Variants in PDCD4 observed in about 807,000 individuals in gnomAD.
PDCD4 encodes the protein programmed cell death 4.
PDCD4 carries 56 observed loss-of-function variants against 54.0 expected under a neutral mutation model. The ratio of observed to expected loss-of-function variants is 1.04; its 90% CI spans 0.84 to 1.30. PDCD4 has a LOEUF of 1.30. Among genes scored for constraint, PDCD4 ranks in the 50% most tolerant of loss-of-function variants. The pLI, the probability that PDCD4 is intolerant of heterozygous loss-of-function variation, is 0.00. For missense variants in PDCD4, 584 were observed against 559.8 expected, an observed-to-expected ratio of 1.04 and a Z score of -0.44; for synonymous variants, 186 against 194.8, an observed-to-expected ratio of 0.95 and a Z score of 0.37.
At chr10:110,890,706 T>C in intron 8 of PDCD4, 36 bp downstream of exon 8, 3 of 1,321,186 alleles carry the variant, frequency 2.3e-6, no homozygotes, top group Non-Finnish European at 3.2e-6. Context: ...TTAATTTATA[T>C]GTATTCCTCT....
At chr10:110,885,705 C>G (rs1235070214) in intron 5 of PDCD4, among the ~76,000 whole-genome samples, 3 of 151,456 alleles carry the variant, frequency 2.0e-5, no homozygotes, top group Non-Finnish European at 4.4e-5. Flanking sequence ...TAGACGCCCC[C>G]CGAAACCTCT....
At chr10:110,894,997 G>C (rs1174396982) in intron 10 of PDCD4, among the ~76,000 whole-genome samples, 2 of 151,922 alleles carry the variant, frequency 1.3e-5, no homozygotes, top group Non-Finnish European at 2.9e-5. Context: ...TCTGATGTCT[G>C]CTTACAGCTC....
chr10:110,882,913 G>T, intron 3 of PDCD4, 90 bp from the exon 4 acceptor site: 1 of 811,492 alleles, frequency 1.2e-6, no homozygotes, highest in Middle Eastern at 3.3e-4. Context: ...TTTTTTTTTA[G>T]CTGTTGTTTA....
At chr10:110,884,026 C>T (rs962563945) in intron 4 of PDCD4, among the ~76,000 whole-genome samples, 4 of 152,186 alleles carry the variant, frequency 2.6e-5, no homozygotes, top group African/African-American at 4.8e-5. Context: ...CGTGGTTTCA[C>T]TTTCCGCAGT....
chr10:110,888,181 T>C (rs541905468), intron 6 of PDCD4, among the ~76,000 whole-genome samples: 1 of 152,134 alleles, frequency 6.6e-6, no homozygotes, highest in Non-Finnish European at 1.5e-5. Context: ...TTATATGTAG[T>C]TGTTTTATTA....
At chr10:110,885,569 TTTG>T (rs1253008614) in intron 5 of PDCD4, among the ~76,000 whole-genome samples, 2 of 152,000 alleles carry the variant, frequency 1.3e-5, no homozygotes, top group East Asian at 3.8e-4. Context: ...TGTGTGCCAT[TTTG>T]TTCTCTGAAA....
chr10:110,887,461 A>G (rs1845685308), intron 5 of PDCD4, among the ~76,000 whole-genome samples: 1 of 152,210 alleles, frequency 6.6e-6, no homozygotes, highest in South Asian at 2.1e-4. Context: ...TTAAAGCTTG[A>G]CAAAGTGGAT....
chr10:110,898,158 GTTTTT>G lies in PDCD4; in HGVS notation c.*86_*90del, dbSNP rs5787876. 52 of 385,424 alleles carry G rather than the reference GTTTTT, an allele frequency of 1.3e-4. No homozygotes were observed. The highest frequency in any genetic ancestry group is 4.6e-4 in the Admixed American group (9 of 19,508). 23.9% of individuals were successfully genotyped at this position (385,424 alleles called of 1,614,324 possible). ...TGAATTGTAAGAGTTGTTAGCACAA[GTTTTT>G]TTTTTTTTTTTTTTTAAGCACTTGT... On this transcript the variant is annotated 3_prime_UTR_variant, in exon 12 of 12. Transcript: ENST00000280154.
rs958134628 is a variant in PDCD4, at chr10:110,899,694, G to C, written c.*1606G>C. On this transcript the variant is annotated 3_prime_UTR_variant, in exon 12 of 12. Coordinates refer to ENST00000280154, the MANE Select transcript of PDCD4 (RefSeq NM_014456.5). ...TGCGTGTAATCCCAGCTACTTGGGA[G>C]GCTGAGGCAGGAGAATTGCTTGAAC... 1.3e-5 allele frequency: 2 copies of C among 152,298 alleles called. No individual in the cohort carries two copies. The highest frequency in any genetic ancestry group is 4.8e-5 in the African/African-American group (2 of 41,520). 9.4% of individuals were successfully genotyped at this position (152,298 alleles called of 1,614,324 possible).
In PDCD4 at chr10:110,885,330, G is replaced by A. The variant is rs34104444; in HGVS notation, c.519G>A (p.Gln173=). 0.044 allele frequency: 70,013 copies of A among 1,588,624 alleles called. 1,863 individuals are homozygous for A. The highest frequency in any genetic ancestry group is 0.11 in the African/African-American group (7,940 of 73,898). The change falls in exon 5 of 12, where the codon CAG becomes CAA. Residue 173 remains glutamine, a synonymous_variant. Coordinates refer to ENST00000280154, the MANE Select transcript of PDCD4 (RefSeq NM_014456.5). ...AGAAGACTTTAACACCAATCATACA[G>A]GAATATTTTGAGCATGGAGATACTA... ...AFEKTLTPII[Q]EYFEHGDTNE... is the part of the protein sequence containing the mutation.
chr10:110,895,873 C>A, intron 10 of PDCD4, 75 bp from the exon 11 acceptor site: 1 of 1,098,418 alleles, frequency 9.1e-7, no homozygotes, highest in Non-Finnish European at 1.3e-6. Flanking sequence ...AAATTGATGA[C>A]ATAGTGATGG....
At chr10:110,886,472 A>G (rs755105237) in intron 5 of PDCD4, among the ~76,000 whole-genome samples, 3 of 152,176 alleles carry the variant, frequency 2.0e-5, no homozygotes, top group Non-Finnish European at 4.4e-5. Context: ...AAATGCAGTC[A>G]GTGAGAAGAG....
chr10:110,896,081 C>T lies in PDCD4; in HGVS notation c.1343C>T (p.Pro448Leu), dbSNP rs1352027977. The T allele has an allele frequency of 1.3e-6, 2 of 1,594,122 alleles. No individual in the cohort carries two copies. The highest frequency in any genetic ancestry group is 2.3e-5 in the East Asian group (1 of 44,414). Residue 448 changes from proline to leucine, a missense_variant, in exon 11 of 12, where the codon CCT (proline) becomes CTT (leucine). Coordinates refer to ENST00000280154, the MANE Select transcript of PDCD4 (RefSeq NM_014456.5). ...TCCAAACAACTCAGAGATCTTTGTC[C>T]TTCAAGGTACTTTATTTAAATACTA... ...IISKQLRDLC[P>L]SRGRKRFVSE... is the part of the protein sequence containing the mutation.
chr10:110,874,059 G>A (rs1845465120), intron 1 of PDCD4, among the ~76,000 whole-genome samples: 1 of 152,202 alleles, frequency 6.6e-6, no homozygotes, highest in Admixed American at 6.5e-5. Flanking sequence ...TTGAACTTGT[G>A]CAAACAGTAC....
At chr10:110,897,990 T>C (rs1393844646) in intron 11 of PDCD4, 38 bp from the exon 12 acceptor site, 5 of 1,462,698 alleles carry the variant, frequency 3.4e-6, no homozygotes, top group Non-Finnish European at 3.7e-6. Flanking sequence ...AGTCAGAATT[T>C]GTATCTGTTT....
At chr10:110,893,538 T>G (rs1219530933) in intron 8 of PDCD4, among the ~76,000 whole-genome samples, 1 of 152,000 alleles carries the variant, frequency 6.6e-6, no homozygotes, top group African/African-American at 2.4e-5. Context: ...ACTTGTCTCT[T>G]TAGCTACAGC....
chr10:110,875,144 T>G (rs1845482146), intron 1 of PDCD4, among the ~76,000 whole-genome samples: 2 of 152,134 alleles, frequency 1.3e-5, no homozygotes, highest in South Asian at 4.1e-4. Flanking sequence ...ATTTTGATAT[T>G]TCTTTCATAT....
Position 110,889,566 on chromosome 10 carries a change from G to A in PDCD4, c.811G>A (p.Asp271Asn), listed in dbSNP as rs755307065. The A allele has an allele frequency of 2.5e-6, 4 of 1,607,592 alleles. No homozygotes were observed. The highest frequency in any genetic ancestry group is 1.7e-4 in the Middle Eastern group (1 of 6,044). The part of the protein sequence containing the change: ...VGQFIARAVG[D>N]GILCNTYIDS... ...CCAGTTTATTGCTAGAGCTGTTGGA[G>A]ATGGAATTTTATGTAATACCTATAT... The change falls in exon 7 of 12, where the codon GAT (aspartate) becomes AAT (asparagine). Residue 271 changes from aspartate to asparagine, a missense_variant. Transcript: ENST00000280154.
At chr10:110,879,569 C>T (rs1048487781) in intron 2 of PDCD4, among the ~76,000 whole-genome samples, 1 of 150,802 alleles carries the variant, frequency 6.6e-6, no homozygotes, top group African/African-American at 2.4e-5. Context: ...AGGAGAATGG[C>T]GTGAACCCGG....
Sources: allele counts gnomAD v4.1 joint callset (sites outside exome capture counted in the v4.1 genomes callset), GRCh38; gene constraint gnomAD v4.1.1; transcripts MANE v1.5; gene names NCBI Gene and HGNC (gene_info 2026-07-23, HGNC 2026-07-21).